The following FARS2 variants were observed in gnomAD, a reference collection of about 807,000 sequenced individuals.
FARS2 encodes the protein phenylalanyl-tRNA synthetase 2, mitochondrial, also known as phenylalanine--tRNA ligase, mitochondrial.
Under a neutral mutation model 46.4 loss-of-function variants are expected in FARS2, and 40 were observed. The ratio of observed to expected loss-of-function variants is 0.86; its 90% CI spans 0.67 to 1.12. The LOEUF (loss-of-function observed/expected upper bound fraction) is 1.12. FARS2 is among the 50% of genes most tolerant of loss of function. The pLI is 0.00. For missense variants in FARS2, 513 were observed against 567.9 expected (o/e 0.90, Z 0.98); for synonymous variants, 234 against 214.9 (o/e 1.09, Z -0.78).
chr6:5,562,206 G>A (rs991297830), intron 5 of FARS2, among the ~76,000 whole-genome samples: 4 of 151,766 alleles, frequency 2.6e-5, no homozygotes, highest in Non-Finnish European at 5.9e-5. Context: ...TTGAATACAT[G>A]CTCATTTCCC....
At chr6:5,657,996 T>C (rs1267791317) in intron 6 of FARS2, among the ~76,000 whole-genome samples, 1 of 152,160 alleles carries the variant, frequency 6.6e-6, no homozygotes, top group Non-Finnish European at 1.5e-5. Context: ...TAAGATAACA[T>C]ATTAAAAGCA....
chr6:5,409,998 C>A (rs773036484), intron 3 of FARS2, among the ~76,000 whole-genome samples: 6 of 152,152 alleles, frequency 3.9e-5, no homozygotes, highest in Non-Finnish European at 7.3e-5. Flanking sequence ...CTGGGCCCAT[C>A]TGATGAACTA....
intron 6 of FARS2, among the ~76,000 whole-genome samples, chr6:5,687,862 C>T (rs980551938): frequency 6.6e-5 from 10 of 152,046 alleles, no homozygotes; most frequent in African/African-American, 2.4e-4. Context: ...TGTTTGTATC[C>T]TCTTTTATTT....
At chr6:5,421,487 C>T (rs111996768) in intron 3 of FARS2, among the ~76,000 whole-genome samples, 3,800 of 152,282 alleles carry the variant, frequency 0.025, 191 homozygotes, top group African/African-American at 0.088. Flanking sequence ...AATTTCTCCT[C>T]AGAAAATGGG....
intron 5 of FARS2, among the ~76,000 whole-genome samples, chr6:5,593,966 G>T (rs9504439): frequency 0.49 from 74,538 of 152,026 alleles, 20,407 homozygotes; most frequent in Middle Eastern, 0.66. Context: ...GTGTTTCCAC[G>T]TGGCAGGCAT....
intron 1 of FARS2, among the ~76,000 whole-genome samples, chr6:5,360,942 G>A (rs1452918718): frequency 2.0e-5 from 3 of 152,146 alleles, no homozygotes; most frequent in African/African-American, 4.8e-5. Context: ...AACCAAAGAA[G>A]CCACAGAAAC....
chr6:5,483,252 C>T (rs184247320), intron 4 of FARS2, among the ~76,000 whole-genome samples: 14 of 152,160 alleles, frequency 9.2e-5, no homozygotes, highest in Admixed American at 3.9e-4. Context: ...TATCACTCCC[C>T]CTGCTCCTGC....
chr6:5,662,049 G>A (rs1050059227), intron 6 of FARS2, among the ~76,000 whole-genome samples: 5 of 152,098 alleles, frequency 3.3e-5, no homozygotes, highest in African/African-American at 1.2e-4. Flanking sequence ...AAAAGAAAAG[G>A]AAAAATATTT....
chr6:5,670,733 A>G (rs950778611), intron 6 of FARS2, among the ~76,000 whole-genome samples: 3 of 150,150 alleles, frequency 2.0e-5, no homozygotes, highest in African/African-American at 7.3e-5. Context: ...GCCCAGTTAC[A>G]TTTTTTTTTT....
At chr6:5,433,333 A>G (rs1246811054) in intron 4 of FARS2, among the ~76,000 whole-genome samples, 1 of 152,218 alleles carries the variant, frequency 6.6e-6, no homozygotes, top group Non-Finnish European at 1.5e-5. Context: ...AGCATTCAGT[A>G]AAAATTAACT....
intron 6 of FARS2, among the ~76,000 whole-genome samples, chr6:5,636,670 CCCATT>C (rs1776560446): frequency 6.6e-6 from 1 of 152,150 alleles, no homozygotes; most frequent in Non-Finnish European, 1.5e-5. Flanking sequence ...CATTGAAGTC[CCCATT>C]TCTGTGCCTC....
chr6:5,575,281 T>C (rs1192768291), intron 5 of FARS2, among the ~76,000 whole-genome samples: 1 of 152,116 alleles, frequency 6.6e-6, no homozygotes, highest in African/African-American at 2.4e-5. Flanking sequence ...GCTGGGAACA[T>C]GTGTGTTCTG....
chr6:5,376,347 C>A (rs950291895), intron 2 of FARS2, among the ~76,000 whole-genome samples: 8 of 152,102 alleles, frequency 5.3e-5, no homozygotes, highest in African/African-American at 1.9e-4. Context: ...AATATGATTC[C>A]AAACTCAGCA....
At chr6:5,739,084 T>A (rs1301640424) in intron 6 of FARS2, among the ~76,000 whole-genome samples, 1 of 152,214 alleles carries the variant, frequency 6.6e-6, no homozygotes, top group Non-Finnish European at 1.5e-5. Flanking sequence ...TCTATAATTT[T>A]GTCCCTTTAA....
At chr6:5,504,672 C>G (rs540455224) in intron 4 of FARS2, among the ~76,000 whole-genome samples, 1 of 152,172 alleles carries the variant, frequency 6.6e-6, no homozygotes, top group African/African-American at 2.4e-5. Flanking sequence ...AATACCAGGA[C>G]AGAATTCAAA....
intron 6 of FARS2, among the ~76,000 whole-genome samples, chr6:5,725,502 G>A (rs993098703): frequency 6.6e-6 from 1 of 152,242 alleles, no homozygotes; most frequent in African/African-American, 2.4e-5. Context: ...CTGGCAGTGG[G>A]AAGAGTTACC....
intron 4 of FARS2, among the ~76,000 whole-genome samples, chr6:5,502,876 T>C (rs1178640478): frequency 1.3e-5 from 2 of 152,198 alleles, no homozygotes; most frequent in South Asian, 2.1e-4. Flanking sequence ...ATACTTCAAA[T>C]AGAAAATCAG....
chr6:5,542,503 A>G (rs912579925), intron 4 of FARS2, among the ~76,000 whole-genome samples: 4 of 152,128 alleles, frequency 2.6e-5, no homozygotes, highest in African/African-American at 9.7e-5. Context: ...TTTGGGTTGG[A>G]TAATTCTTTG....
chr6:5,350,591 T>G (rs934843005), intron 1 of FARS2, among the ~76,000 whole-genome samples: 6 of 152,162 alleles, frequency 3.9e-5, no homozygotes, highest in African/African-American at 1.4e-4. Flanking sequence ...GCTACCTGCT[T>G]CAGGAAATGG....
Sources: gnomAD v4.1 joint callset for allele counts (sites outside exome capture counted in the v4.1 genomes callset) on GRCh38, gnomAD v4.1.1 for gene constraint, MANE v1.5 for transcripts, NCBI Gene and HGNC (gene_info 2026-07-23, HGNC 2026-07-21) for gene names.